Variants in COP1 observed in about 807,000 individuals in gnomAD.
The protein encoded by COP1 is COP1 E3 ubiquitin ligase, also known as E3 ubiquitin-protein ligase COP1.
Under a neutral mutation model 101.3 loss-of-function variants are expected in COP1, and 24 were observed. That is an observed-to-expected ratio of 0.24 (90% confidence interval 0.17 to 0.33). The LOEUF (loss-of-function observed/expected upper bound fraction) is 0.33, where lower values mean the gene tolerates loss of function less well. Ranked by LOEUF, COP1 falls within the 10% of genes least tolerant of loss-of-function variation. The probability of loss-of-function intolerance (pLI) is 1.00; values close to 1 mark genes in which losing one functional copy is unlikely to be tolerated. For synonymous variants in COP1, 347 were observed against 341.9 expected (o/e 1.01, Z -0.17); for missense variants, 663 against 906.2 (o/e 0.73, Z 3.45).
chr1:176,196,072 G>A (rs957855328), intron 1 of COP1, among the ~76,000 whole-genome samples: 8 of 152,158 alleles, frequency 5.3e-5, no homozygotes, highest in African/African-American at 9.7e-5. Context: ...CAAGGGAAAT[G>A]AGAAGTATTA....
At chr1:176,135,538 G>A (rs1407201314) in intron 7 of COP1, among the ~76,000 whole-genome samples, 2 of 151,884 alleles carry the variant, frequency 1.3e-5, no homozygotes, top group African/African-American at 4.8e-5. Flanking sequence ...AAAACACCCA[G>A]AATATGTCAG....
intron 9 of COP1, among the ~76,000 whole-genome samples, chr1:176,101,243 A>C (rs1487756380): frequency 7.1e-6 from 1 of 140,496 alleles, no homozygotes; most frequent in African/African-American, 2.4e-5. Context: ...GGACAGAGGA[A>C]AGAAAGAGGA....
intron 5 of COP1, among the ~76,000 whole-genome samples, chr1:176,155,772 A>G (rs1237017517): frequency 6.6e-6 from 1 of 152,100 alleles, no homozygotes; most frequent in Non-Finnish European, 1.5e-5. Context: ...TTAGAGAGAA[A>G]AACGATATAC....
At position 176,019,463 on chromosome 1, in the gene COP1, A is replaced by AAATAATAAT. The variant is rs34362717; in HGVS notation, c.1729+8100_1729+8108dup. On this transcript the variant is annotated intron_variant, in intron 15 of 19. Coordinates refer to ENST00000367669, the MANE Select transcript of COP1 (RefSeq NM_022457.7). ...GGGCAACAGAGCAAGACTCCATCTC[A>AAATAATAAT]AATAATAATAATAATAATAATAATA... Among the ~76,000 whole-genome samples the AAATAATAAT allele has an allele frequency of 8.9e-3, 1,181 of 132,366 alleles. 14 individuals are homozygous for AAATAATAAT. Among genetic ancestry groups the AAATAATAAT allele is most frequent in the South Asian group, 0.019 (74 of 3,950 alleles). 86.8% of individuals were successfully genotyped at this position (132,366 alleles called of 152,430 possible). A position where few individuals can be genotyped will look rare whatever the true frequency, so the allele number is the denominator to read the frequency against.
intron 1 of COP1, among the ~76,000 whole-genome samples, chr1:176,201,517 C>T (rs1016189162): frequency 7.9e-5 from 12 of 152,156 alleles, no homozygotes; most frequent in Non-Finnish European, 2.9e-5. Context: ...AATGTTGGCT[C>T]ATTATCAGAA....
chr1:176,091,023 C>T (rs1411690962), intron 9 of COP1, among the ~76,000 whole-genome samples: 1 of 151,972 alleles, frequency 6.6e-6, no homozygotes, highest in African/African-American at 2.4e-5. Flanking sequence ...TTAGGAACAA[C>T]AATTAAAAAG....
At chr1:176,051,951 G>T (rs1458645058) in intron 11 of COP1, among the ~76,000 whole-genome samples, 3 of 152,014 alleles carry the variant, frequency 2.0e-5, no homozygotes, top group African/African-American at 7.3e-5. Context: ...AAATAAAAAG[G>T]TTACAGTAAG....
chr1:176,165,833 T>A (rs546804675), intron 3 of COP1, among the ~76,000 whole-genome samples: 2 of 152,158 alleles, frequency 1.3e-5, no homozygotes, highest in Non-Finnish European at 2.9e-5. Flanking sequence ...GGGCCTGAAC[T>A]GCAGATACCT....
chr1:175,986,950 G>A lies in COP1; in HGVS notation c.2126C>T (p.Pro709Leu). Residue 709 changes from proline to leucine, a missense_variant, in exon 18 of 20, where the codon CCA becomes CTA. Pro to Leu is a moderately conservative substitution (Grantham distance 98, BLOSUM62 -3). Transcript: ENST00000367669. ...ACTGATATGAAAACTTACCCCATCT[G>A]GTAGTGCCCTCCAGCACACAGCACT... ...FVSAVCWRAL[P>L]DGESNVLIAA... is the part of the protein sequence containing the mutation. 2 of 1,591,580 alleles carry A rather than the reference G, an allele frequency of 1.3e-6. No individual in the cohort carries two copies. The highest frequency in any genetic ancestry group is 8.5e-7 in the Non-Finnish European group (1 of 1,172,778).
At chr1:176,180,813 CCA>C (rs1697640108) in intron 2 of COP1, among the ~76,000 whole-genome samples, 1 of 151,994 alleles carries the variant, frequency 6.6e-6, no homozygotes, top group Admixed American at 6.6e-5. Flanking sequence ...CATCTAATAA[CCA>C]GGTGTAAAGA....
At chr1:176,153,256 C>T (rs1163049140) in intron 5 of COP1, among the ~76,000 whole-genome samples, 8 of 152,044 alleles carry the variant, frequency 5.3e-5, no homozygotes, top group African/African-American at 1.4e-4. Flanking sequence ...CAGAAGTTTA[C>T]CTTATACATG....
At chr1:176,199,574 A>G (rs2102251404) in intron 1 of COP1, among the ~76,000 whole-genome samples, 1 of 152,346 alleles carries the variant, frequency 6.6e-6, no homozygotes, top group East Asian at 1.9e-4. Context: ...ATATCCATAT[A>G]ATGGGATAAT....
chr1:176,203,116 T>C lies in COP1; in HGVS notation c.407+3456A>G, dbSNP rs190561595. ...ACTTTGGGAGGCAGAGGCGGGCGGA[T>C]CATGAGGTCAGGAGATCGAGACCAT... On this transcript the variant is annotated intron_variant, in intron 1 of 19. Transcript: ENST00000367669. Among the ~76,000 whole-genome samples, 131 of 151,794 alleles carry C rather than the reference T, an allele frequency of 8.6e-4. 2 individuals are homozygous for C. The highest frequency in any genetic ancestry group is 8.1e-3 in the Admixed American group (123 of 15,260).
At chr1:175,971,422 C>CT in intron 18 of COP1, among the ~76,000 whole-genome samples, 1 of 152,178 alleles carries the variant, frequency 6.6e-6, no homozygotes, top group East Asian at 1.9e-4. Context: ...AGCTCAAAAA[C>CT]TGATATTTTA....
chr1:176,088,128 T>C (rs186399328), intron 9 of COP1, among the ~76,000 whole-genome samples: 2 of 151,916 alleles, frequency 1.3e-5, no homozygotes, highest in South Asian at 2.1e-4. Flanking sequence ...GGGTGAGGGA[T>C]AGCACTAGGA....
intron 15 of COP1, among the ~76,000 whole-genome samples, chr1:176,009,148 T>A (rs1664140623): frequency 6.6e-6 from 1 of 152,182 alleles, no homozygotes; most frequent in Non-Finnish European, 1.5e-5. Flanking sequence ...TGTTTTGTTG[T>A]CCAGATCTTT....
intron 18 of COP1, among the ~76,000 whole-genome samples, chr1:175,965,579 TTTTG>T (rs963525518): frequency 8.3e-5 from 3 of 36,226 alleles, no homozygotes; most frequent in African/African-American, 1.8e-4. Flanking sequence ...TTTTTTTTTG[TTTTG>T]TTTTTGTTTG....
intron 18 of COP1, among the ~76,000 whole-genome samples, chr1:175,960,274 C>T (rs1308021425): frequency 5.3e-5 from 8 of 152,162 alleles, no homozygotes; most frequent in African/African-American, 1.7e-4. Flanking sequence ...AGCTCTAACG[C>T]TTCTAGACTT....
chr1:176,002,806 A>G (rs568856897), intron 15 of COP1, among the ~76,000 whole-genome samples: 339 of 150,610 alleles, frequency 2.3e-3, no homozygotes, highest in African/African-American at 7.8e-3. Context: ...GAATAATGCC[A>G]CAATAAACAT....
Sources: gnomAD v4.1 joint callset for allele counts (sites outside exome capture counted in the v4.1 genomes callset) on GRCh38, gnomAD v4.1.1 for gene constraint, MANE v1.5 for transcripts, NCBI Gene and HGNC (gene_info 2026-07-23, HGNC 2026-07-21) for gene names.